Variants in AFAP1L2 observed in about 807,000 individuals in gnomAD.
AFAP1L2 encodes actin filament-associated protein 1-like 2.
A neutral mutation model predicts 99.3 loss-of-function variants in AFAP1L2; 46 were observed. The observed-to-expected ratio is 0.46, with a 90% CI of 0.37 to 0.59. The LOEUF (loss-of-function observed/expected upper bound fraction) is 0.59, where lower values mean the gene tolerates loss of function less well. Ranked by LOEUF, AFAP1L2 falls within the 20% of genes least tolerant of loss-of-function variation. AFAP1L2 has a pLI of 0.00. For missense variants in AFAP1L2, 959 were observed against 1,034.9 expected (o/e 0.93, Z 1.01); for synonymous variants, 397 against 419.1 (o/e 0.95, Z 0.64).
At chr10:114,372,034 A>C (rs1237008365) in intron 1 of AFAP1L2, among the ~76,000 whole-genome samples, 1 of 152,218 alleles carries the variant, frequency 6.6e-6, no homozygotes, top group East Asian at 1.9e-4. Flanking sequence ...CCAGCAAGTC[A>C]CATCTTGCAG....
At chr10:114,307,390 A>G (rs1214289156) in intron 10 of AFAP1L2, among the ~76,000 whole-genome samples, 2 of 151,988 alleles carry the variant, frequency 1.3e-5, no homozygotes, top group Non-Finnish European at 2.9e-5. Flanking sequence ...AGCTACGAAG[A>G]TGGCACAGTG....
intron 5 of AFAP1L2, among the ~76,000 whole-genome samples, chr10:114,322,148 T>A (rs1320546515): frequency 1.3e-5 from 2 of 152,218 alleles, no homozygotes; most frequent in Admixed American, 1.3e-4. Flanking sequence ...TCTTCCACCA[T>A]GATTGTGAGG....
intron 4 of AFAP1L2, among the ~76,000 whole-genome samples, chr10:114,327,580 A>C (rs1311403012): frequency 6.6e-6 from 1 of 152,156 alleles, no homozygotes; most frequent in African/African-American, 2.4e-5. Flanking sequence ...AAATCTTTTC[A>C]GGAAAGGGCC....
intron 1 of AFAP1L2, among the ~76,000 whole-genome samples, chr10:114,353,696 A>G (rs1338968135): frequency 6.6e-6 from 1 of 152,242 alleles, no homozygotes; most frequent in Non-Finnish European, 1.5e-5. Context: ...GTGGACTTCA[A>G]AAACATTCTA....
At chr10:114,285,037 A>C in the AFAP1L2 span, 2 of 1,281,742 alleles carry the variant, frequency 1.6e-6, no homozygotes, top group Non-Finnish European at 2.1e-6. Flanking sequence ...TCCCCTTTTC[A>C]TTGCACGCCC....
intron 1 of AFAP1L2, among the ~76,000 whole-genome samples, chr10:114,361,181 T>C (rs1166796737): frequency 6.6e-6 from 1 of 152,086 alleles, no homozygotes; most frequent in Non-Finnish European, 1.5e-5. Flanking sequence ...CATGATTCAA[T>C]TACCTCCCAC....
chr10:114,364,552 T>C (rs2052923046), intron 1 of AFAP1L2, among the ~76,000 whole-genome samples: 1 of 152,178 alleles, frequency 6.6e-6, no homozygotes, highest in African/African-American at 2.4e-5. Flanking sequence ...GTCCAAACTC[T>C]CTTCTTCTTA....
intron 1 of AFAP1L2, among the ~76,000 whole-genome samples, chr10:114,348,755 G>T (rs2049991575): frequency 6.6e-6 from 1 of 152,178 alleles, no homozygotes; most frequent in South Asian, 2.1e-4. Flanking sequence ...AAACTTATAA[G>T]AATCCTGATG....
At chr10:114,305,897 C>T (rs1358053366) in intron 10 of AFAP1L2, among the ~76,000 whole-genome samples, 2 of 61,504 alleles carry the variant, frequency 3.3e-5, no homozygotes, top group African/African-American at 1.3e-4. Context: ...GGAGGGGACG[C>T]GGGTGCAGGA....
chr10:114,376,748 C>T (rs1387097578), intron 1 of AFAP1L2, among the ~76,000 whole-genome samples: 3 of 152,164 alleles, frequency 2.0e-5, no homozygotes, highest in South Asian at 2.1e-4. Flanking sequence ...CCAGAACTGT[C>T]GACACTCAGT....
At chr10:114,315,823 G>T in intron 5 of AFAP1L2, 58 bp from the exon 6 acceptor site, 2 of 1,519,584 alleles carry the variant, frequency 1.3e-6, no homozygotes, top group Non-Finnish European at 1.8e-6. Context: ...TCCTGAAGCA[G>T]CATCGCTGGG....
chr10:114,285,100 C>A, the AFAP1L2 span: 1 of 655,692 alleles, frequency 1.5e-6, no homozygotes, highest in Non-Finnish European at 2.5e-6. Context: ...TCCAATGCAC[C>A]ACTGGTCTGC....
rs2045671586 is a variant in AFAP1L2 at position 114,323,244 on chromosome 10, C to T, written c.333G>A (p.Gln111=). 7 of 1,597,582 alleles carry T rather than the reference C, an allele frequency of 4.4e-6. No individual in the cohort carries two copies. The highest frequency in any genetic ancestry group is 6.0e-6 in the Non-Finnish European group (7 of 1,170,860). The change falls in exon 5 of 19, where the codon CAG becomes CAA. Residue 111 remains glutamine (Q), a synonymous_variant. Transcript: ENST00000304129. ...PPPKMIPERK[Q]LAIPKTESPE... ...GAGACTCCGTCTTTGGGATGGCAAG[C>T]TGTTTCCGTTCTGGAATCTGTGGTA...
chr10:114,301,703 C>T, intron 12 of AFAP1L2: 1 of 547,252 alleles, frequency 1.8e-6, no homozygotes, highest in East Asian at 3.0e-5. Context: ...TTCCCTTGCC[C>T]ATACGCCTCG....
chr10:114,384,278 C>A (rs977197563), intron 1 of AFAP1L2, among the ~76,000 whole-genome samples: 1 of 152,130 alleles, frequency 6.6e-6, no homozygotes, highest in South Asian at 2.1e-4. Flanking sequence ...ACCCTCCCCA[C>A]GGCTGCTTGG....
At chr10:114,404,596 A>G, upstream of AFAP1L2, 1 of 1,276,512 alleles carries the variant, frequency 7.8e-7, no homozygotes, top group Non-Finnish European at 1.0e-6. Context: ...CGCCGCGCCC[A>G]GGGTCCTCGG....
chr10:114,365,914 T>C (rs1564995877), intron 1 of AFAP1L2, among the ~76,000 whole-genome samples: 1 of 150,264 alleles, frequency 6.7e-6, no homozygotes, highest in Non-Finnish European at 1.5e-5. Flanking sequence ...TTTTTTTTTG[T>C]ATAGAGATGG....
chr10:114,351,875 T>A (rs2050554288), intron 1 of AFAP1L2, among the ~76,000 whole-genome samples: 1 of 152,188 alleles, frequency 6.6e-6, no homozygotes, highest in Admixed American at 6.5e-5. Context: ...ATTGCCTAAA[T>A]ATTAGTTCCA....
chr10:114,392,391 G>GA (rs1021423924), intron 1 of AFAP1L2, among the ~76,000 whole-genome samples: 2 of 152,098 alleles, frequency 1.3e-5, no homozygotes, highest in Non-Finnish European at 2.9e-5. Context: ...CCTGTTGAAA[G>GA]AAAGGGAAAA....
Sources: gnomAD v4.1 joint callset for allele counts (sites outside exome capture counted in the v4.1 genomes callset) on GRCh38, gnomAD v4.1.1 for gene constraint, MANE v1.5 for transcripts, NCBI Gene and HGNC (gene_info 2026-07-23, HGNC 2026-07-21) for gene names.